The following PCDHA13 variants were observed in gnomAD, a reference collection of about 807,000 sequenced individuals.
The protein encoded by PCDHA13 is protocadherin alpha-13.
PCDHA13 carries 54 observed loss-of-function variants against 64.8 expected under a neutral mutation model. The ratio of observed to expected loss-of-function variants is 0.83; its 90% CI spans 0.67 to 1.04. PCDHA13 has a LOEUF of 1.04. PCDHA13 is among the 50% of genes least tolerant of loss of function. PCDHA13 has a pLI of 0.00. For missense variants in PCDHA13, 1,248 were observed against 1,254.3 expected (o/e 0.99, Z 0.08); for synonymous variants, 587 against 564.4 (o/e 1.04, Z -0.57).
intron 1 of PCDHA13, among the ~76,000 whole-genome samples, chr5:140,975,810 A>T (rs1310331964): frequency 7.4e-6 from 1 of 134,690 alleles, no homozygotes; most frequent in African/African-American, 2.5e-5. Context: ...TTATAATTTT[A>T]ATAGGAACTG....
chr5:140,909,550 A>C (rs549281873), intron 1 of PCDHA13, among the ~76,000 whole-genome samples: 2 of 152,232 alleles, frequency 1.3e-5, no homozygotes, highest in East Asian at 3.9e-4. Context: ...GGTGGCACTA[A>C]TCTCTGCAAC....
At chr5:140,971,952 C>T (rs782029862) in intron 1 of PCDHA13, among the ~76,000 whole-genome samples, 3 of 152,012 alleles carry the variant, frequency 2.0e-5, no homozygotes, top group Non-Finnish European at 4.4e-5. Context: ...CATCTGACTC[C>T]AAAAACTTTT....
intron 1 of PCDHA13, among the ~76,000 whole-genome samples, chr5:140,908,124 C>A (rs782391085): frequency 6.6e-6 from 1 of 152,234 alleles, no homozygotes; most frequent in Non-Finnish European, 1.5e-5. Flanking sequence ...GATTTCCCTT[C>A]ACTGCTGTCC....
At chr5:140,986,951 T>C (rs1421822972) in intron 3 of PCDHA13, among the ~76,000 whole-genome samples, 1 of 152,128 alleles carries the variant, frequency 6.6e-6, no homozygotes, top group Non-Finnish European at 1.5e-5. Context: ...TGGTCGCTCA[T>C]GCCTGTAATT....
intron 1 of PCDHA13, among the ~76,000 whole-genome samples, chr5:140,914,386 G>A (rs565819670): frequency 2.6e-5 from 4 of 152,216 alleles, no homozygotes; most frequent in East Asian, 1.9e-4. Flanking sequence ...TGTTATAAGT[G>A]TAGTTACCCC....
intron 1 of PCDHA13, chr5:140,967,726 TG>T: frequency 6.2e-7 from 1 of 1,613,974 alleles, no homozygotes; most frequent in Non-Finnish European, 8.5e-7. Flanking sequence ...TGCGAGTAAT[TG>T]GGGGGCTGGA....
At chr5:140,888,749 AC>A (rs1218374821) in intron 1 of PCDHA13, among the ~76,000 whole-genome samples, 1 of 151,232 alleles carries the variant, frequency 6.6e-6, no homozygotes, top group African/African-American at 2.4e-5. Context: ...GAATTATTCT[AC>A]CCACTTTTTT....
chr5:140,950,917 A>ACT (rs1554219681), intron 1 of PCDHA13, among the ~76,000 whole-genome samples: 4 of 151,642 alleles, frequency 2.6e-5, no homozygotes, highest in African/African-American at 9.7e-5. Context: ...ATTTTATTTC[A>ACT]GTTCTTTTTC....
intron 1 of PCDHA13, among the ~76,000 whole-genome samples, chr5:140,953,492 G>T (rs542677103): frequency 6.6e-6 from 1 of 152,188 alleles, no homozygotes; most frequent in East Asian, 1.9e-4. Context: ...TCACAACCTT[G>T]ATCAGCTATT....
intron 3 of PCDHA13, among the ~76,000 whole-genome samples, chr5:141,000,895 T>C (rs896500322): frequency 5.3e-5 from 8 of 152,072 alleles, no homozygotes; most frequent in Non-Finnish European, 1.2e-4. Context: ...GCAACAGATA[T>C]AGACGCTGTC....
At chr5:140,942,618 G>A (rs2093340526) in intron 1 of PCDHA13, among the ~76,000 whole-genome samples, 1 of 97,740 alleles carries the variant, frequency 1.0e-5, no homozygotes. Context: ...TTTGCCAATT[G>A]TAAAAAAAAA....
chr5:140,937,521 G>A (rs1244752316), intron 1 of PCDHA13, among the ~76,000 whole-genome samples: 1 of 152,106 alleles, frequency 6.6e-6, no homozygotes, highest in Non-Finnish European at 1.5e-5. Context: ...GGAGGCTGAG[G>A]CAGGAGAATT....
intron 1 of PCDHA13, chr5:140,927,063 C>T: frequency 6.2e-7 from 1 of 1,611,332 alleles, no homozygotes; most frequent in Non-Finnish European, 8.5e-7. Flanking sequence ...ACTTTCGCTT[C>T]CTTTCCAGCC....
At chr5:140,951,948 A>G (rs2153694438) in intron 1 of PCDHA13, among the ~76,000 whole-genome samples, 1 of 152,322 alleles carries the variant, frequency 6.6e-6, no homozygotes, top group South Asian at 2.1e-4. Context: ...GTGCGGGTAC[A>G]GGCATTGGGT....
At chr5:140,996,929 C>T (rs1437008519) in intron 3 of PCDHA13, among the ~76,000 whole-genome samples, 2 of 152,070 alleles carry the variant, frequency 1.3e-5, no homozygotes, top group African/African-American at 2.4e-5. Flanking sequence ...AAAAATATAG[C>T]ATTTTTGCAT....
intron 1 of PCDHA13, among the ~76,000 whole-genome samples, chr5:140,931,749 G>A (rs368438680): frequency 2.0e-5 from 3 of 151,878 alleles, no homozygotes; most frequent in East Asian, 3.9e-4. Context: ...ATTCACAAAG[G>A]CATTTGTTAT....
chr5:141,001,693 G>A (rs1554258280), intron 3 of PCDHA13, among the ~76,000 whole-genome samples: 1 of 152,122 alleles, frequency 6.6e-6, no homozygotes, highest in Admixed American at 6.5e-5. Context: ...CCCACAGATG[G>A]CGAAATAGGG....
intron 1 of PCDHA13, among the ~76,000 whole-genome samples, chr5:140,935,456 C>G (rs981681011): frequency 6.6e-6 from 1 of 152,150 alleles, no homozygotes; most frequent in Non-Finnish European, 1.5e-5. Flanking sequence ...GATACTGTAG[C>G]AGTTTAAGTT....
chr5:140,971,165 G>A (rs1390176241), intron 1 of PCDHA13, among the ~76,000 whole-genome samples: 1 of 152,136 alleles, frequency 6.6e-6, no homozygotes, highest in Non-Finnish European at 1.5e-5. Context: ...GCTCAGCTTT[G>A]CCACCAGCTG....
Sources: allele counts gnomAD v4.1 joint callset (sites outside exome capture counted in the v4.1 genomes callset), GRCh38; gene constraint gnomAD v4.1.1; transcripts MANE v1.5; gene names NCBI Gene and HGNC (gene_info 2026-07-23, HGNC 2026-07-21).